Variants in DNAH12 observed in about 807,000 individuals in gnomAD.
DNAH12 encodes axonemal beta dynein heavy chain 12.
A neutral mutation model predicts 371.5 loss-of-function variants in DNAH12; 285 were observed. The observed-to-expected ratio is 0.77, with a 90% confidence interval of 0.70 to 0.85. The LOEUF is 0.85. DNAH12 is among the 40% of genes least tolerant of loss of function. The pLI, the probability that DNAH12 is intolerant of heterozygous loss-of-function variation, is 0.00. For synonymous variants in DNAH12, 1,200 were observed against 1,213.0 expected (o/e 0.99, Z 0.22); for missense variants, 3,611 against 3,689.4 (o/e 0.98, Z 0.55).
At chr3:57,540,912 A>G (rs1334796282) in intron 2 of DNAH12, among the ~76,000 whole-genome samples, 2 of 151,934 alleles carry the variant, frequency 1.3e-5, no homozygotes, top group Non-Finnish European at 2.9e-5. Context: ...CCTGGGTGAC[A>G]GAGCAAGACC....
intron 60 of DNAH12, among the ~76,000 whole-genome samples, chr3:57,336,263 C>T (rs756384127): frequency 6.6e-6 from 1 of 152,248 alleles, no homozygotes; most frequent in Non-Finnish European, 1.5e-5. Context: ...AAATTCACAG[C>T]ATCCATAACC....
chr3:57,483,326 A>C (rs9826084), intron 13 of DNAH12, 50 bp downstream of exon 13: 1,026,788 of 1,522,750 alleles, frequency 0.67, 348,031 homozygotes, highest in South Asian at 0.76. Context: ...CCATGAAAAT[A>C]ATATTTCACA....
intron 32 of DNAH12, among the ~76,000 whole-genome samples, chr3:57,432,475 C>A (rs1269212970): frequency 1.3e-5 from 2 of 151,158 alleles, no homozygotes; most frequent in African/African-American, 4.9e-5. Flanking sequence ...CCACCGCGCC[C>A]GGCCTTGAGT....
chr3:57,496,468 G>A (rs1006627336), intron 11 of DNAH12, among the ~76,000 whole-genome samples: 11 of 151,858 alleles, frequency 7.2e-5, no homozygotes, highest in Admixed American at 2.6e-4. Flanking sequence ...AAAATTCAGC[G>A]CCCTCCCATG....
rs1187137314 is a variant in DNAH12, at chr3:57,368,422, GTTTT to G, written c.8760-166_8760-163del. ...TCCTATGAGAAAAAAATGAAAAGGAGTTTTTTTTTTTCTTTCTTATTTATTTTTC... is the reference window on the plus strand; with the variant it reads ...TCCTATGAGAAAAAAATGAAAAGGAGTTTTTTTCTTTCTTATTTATTTTTC... On this transcript the variant is annotated intron_variant, in intron 55 of 73. Transcript: ENST00000495027. Among the ~76,000 whole-genome samples the G allele has an allele frequency of 4.1e-5, 6 of 147,484 alleles. No homozygotes were observed. In the South Asian group the frequency reaches 1.1e-3, roughly 26 times the overall value.
chr3:57,537,067 A>AGGTGTGGTGG (rs2069075412), intron 2 of DNAH12, among the ~76,000 whole-genome samples: 1 of 133,474 alleles, frequency 7.5e-6, no homozygotes, highest in Non-Finnish European at 1.7e-5. Flanking sequence ...GGTGGCGCAC[A>AGGTGTGGTGG]CCTGTAGTCC....
intron 2 of DNAH12, among the ~76,000 whole-genome samples, chr3:57,541,918 G>A (rs1380071998): frequency 6.6e-6 from 1 of 152,068 alleles, no homozygotes; most frequent in Non-Finnish European, 1.5e-5. Context: ...ACCAAGAAAG[G>A]AAAGAGAATG....
intron 40 of DNAH12, among the ~76,000 whole-genome samples, chr3:57,408,066 A>T (rs1227668084): frequency 6.6e-6 from 1 of 152,140 alleles, no homozygotes; most frequent in Non-Finnish European, 1.5e-5. Flanking sequence ...ATGTCAAATT[A>T]CTTGCTCAAA....
At position 57,471,625 on chromosome 3, in the gene DNAH12, G is replaced by T; in HGVS notation, c.1777-19C>A. ...CAATTAGCTTTTTAAAAGACAATTT[G>T]ATCATGTTAGTTAATCTGTAACAAA... On this transcript the variant is annotated intron_variant, in intron 14 of 73. Coordinates refer to ENST00000495027, the MANE Select transcript of DNAH12 (RefSeq NM_001366028.2). 3 of 1,510,476 alleles carry T rather than the reference G, an allele frequency of 2.0e-6. No homozygotes were observed. Among genetic ancestry groups the T allele is most frequent in the Non-Finnish European group, 2.7e-6 (3 of 1,129,214 alleles). 93.6% of individuals were successfully genotyped at this position (1,510,476 alleles called of 1,614,324 possible).
the DNAH12 span, among the ~76,000 whole-genome samples, chr3:57,555,631 G>A: frequency 6.6e-5 from 10 of 152,112 alleles, no homozygotes; most frequent in African/African-American, 1.9e-4. Flanking sequence ...TAATATCTCG[G>A]GACTCTGCAT....
intron 17 of DNAH12, among the ~76,000 whole-genome samples, chr3:57,463,270 T>C (rs1416953071): frequency 1.3e-5 from 2 of 148,510 alleles, no homozygotes; most frequent in Non-Finnish European, 1.5e-5. Context: ...TGAGGACTTG[T>C]CTCTATTTAG....
At chr3:57,534,659 C>A (rs1417582686) in intron 2 of DNAH12, among the ~76,000 whole-genome samples, 1 of 152,036 alleles carries the variant, frequency 6.6e-6, no homozygotes, top group Non-Finnish European at 1.5e-5. Flanking sequence ...CAGGCATATG[C>A]CACCATGCCC....
At position 57,502,490 on chromosome 3, in the gene DNAH12, T is replaced by TA. The variant is rs1438699137; in HGVS notation, c.1087-12dup. 5.6e-6 allele frequency: 9 copies of TA among 1,611,354 alleles called. No homozygotes were observed. Among genetic ancestry groups the TA allele is most frequent in the Non-Finnish European group, 7.6e-6 (9 of 1,177,780 alleles). On this transcript the variant is annotated splice_polypyrimidine_tract_variant and intron_variant, in intron 9 of 73. Transcript: ENST00000495027. ...GATTGTTTGGACATTCTAACACAAA[T>TA]AAAAATAATAACAATGTATACAATA...
At chr3:57,509,322 G>A in intron 5 of DNAH12, 110 bp from the exon 6 acceptor site, 1 of 1,037,290 alleles carries the variant, frequency 9.6e-7, no homozygotes, top group Non-Finnish European at 1.4e-6. Context: ...GCATTAAAAG[G>A]AATGTAAGAA....
chr3:57,455,624 T>C (rs1350759365), intron 22 of DNAH12, among the ~76,000 whole-genome samples: 1 of 152,130 alleles, frequency 6.6e-6, no homozygotes, highest in Non-Finnish European at 1.5e-5. Flanking sequence ...TGTATATTGA[T>C]GCCAAGATTT....
chr3:57,395,881 TG>T (rs2063726325), intron 43 of DNAH12, among the ~76,000 whole-genome samples: 1 of 151,964 alleles, frequency 6.6e-6, no homozygotes, highest in African/African-American at 2.4e-5. Context: ...TGCTTGAGCC[TG>T]GGAGGTTGAG....
intron 19 of DNAH12, among the ~76,000 whole-genome samples, chr3:57,460,079 C>G (rs1418558449): frequency 6.6e-6 from 1 of 152,124 alleles, no homozygotes; most frequent in Non-Finnish European, 1.5e-5. Context: ...ATATCCTTCT[C>G]TACCAGCAGT....
At chr3:57,374,373 G>C (rs1426449243) in intron 55 of DNAH12, among the ~76,000 whole-genome samples, 4 of 152,060 alleles carry the variant, frequency 2.6e-5, no homozygotes, top group African/African-American at 9.7e-5. Flanking sequence ...CCCATGAAAA[G>C]ACTTTTAAAA....
At chr3:57,323,405 G>C (rs2061856299) in intron 63 of DNAH12, 64 bp downstream of exon 63, 1 of 1,475,606 alleles carries the variant, frequency 6.8e-7, no homozygotes, top group Non-Finnish European at 9.0e-7. Flanking sequence ...ATCATATAAG[G>C]AATCAGTATT....
Sources: gnomAD v4.1 joint callset for allele counts (sites outside exome capture counted in the v4.1 genomes callset) on GRCh38, gnomAD v4.1.1 for gene constraint, MANE v1.5 for transcripts, NCBI Gene and HGNC (gene_info 2026-07-23, HGNC 2026-07-21) for gene names.